Variants in CCDC30 observed in about 807,000 individuals in gnomAD.
CCDC30 encodes the protein coiled-coil domain-containing protein 30.
In CCDC30, 70 loss-of-function variants were observed where a neutral mutation model predicts 100.2. That is an observed-to-expected ratio of 0.70 (90% confidence interval 0.58 to 0.85). CCDC30 has a LOEUF of 0.85. Ranked by LOEUF, CCDC30 falls within the 40% of genes least tolerant of loss-of-function variation. The pLI, the probability that CCDC30 is intolerant of heterozygous loss-of-function variation, is 0.00. For synonymous variants in CCDC30, 233 were observed against 269.5 expected (o/e 0.86, Z 1.33); for missense variants, 652 against 771.2 (o/e 0.85, Z 1.83).
intron 10 of CCDC30, among the ~76,000 whole-genome samples, chr1:42,597,820 A>C (rs1204012037): frequency 6.8e-6 from 1 of 146,018 alleles, no homozygotes; most frequent in Non-Finnish European, 1.5e-5. Context: ...AGTTGTGATC[A>C]TGCCACTGCA....
chr1:42,530,027 C>T (rs775282537), intron 6 of CCDC30, among the ~76,000 whole-genome samples: 5 of 152,236 alleles, frequency 3.3e-5, no homozygotes, highest in Non-Finnish European at 7.3e-5. Flanking sequence ...GACCAGTGCA[C>T]CTACAACATA....
rs4495753 is a variant in CCDC30, at chr1:42,635,670, G to T, written c.1278-1567G>T. On this transcript the variant is annotated intron_variant, in intron 11 of 16. Coordinates refer to ENST00000668663, the Ensembl canonical transcript of CCDC30. ...TAAAAATACAAAAAATTAGCCAGGC[G>T]TGGTGGTGGGTGCCTGTAGTCCCGC... 2.0e-5 allele frequency among the ~76,000 whole-genome samples: 3 copies of T among 151,756 alleles called. No individual in the cohort carries two copies. In the South Asian group the frequency reaches 6.2e-4, roughly 32 times the overall value.
chr1:42,592,386 G>A (rs1646203725), intron 10 of CCDC30: 1 of 152,132 alleles, frequency 6.6e-6, no homozygotes, highest in African/African-American at 2.4e-5. Flanking sequence ...AATAGTGAGT[G>A]TGCTCTTCAT....
intron 6 of CCDC30, among the ~76,000 whole-genome samples, chr1:42,506,481 G>T (rs868208474): frequency 6.6e-6 from 1 of 152,182 alleles, no homozygotes; most frequent in African/African-American, 2.4e-5. Context: ...TATCTTTGTG[G>T]TTTACAATAA....
At position 42,541,228 on chromosome 1, in the gene CCDC30, A is replaced by G. The variant is rs140523212; in HGVS notation, c.457-25068A>G. On this transcript the variant is annotated intron_variant, in intron 6 of 16. Coordinates refer to ENST00000668663, the Ensembl canonical transcript of CCDC30. ...AGCTATCTTCTCATTGTATCTTCAC[A>G]TGGCCAACAGCAAAGAGAGAGAGAG... Among the ~76,000 whole-genome samples the G allele has an allele frequency of 1.3e-4, 20 of 152,280 alleles. No homozygotes were observed. The East Asian group carries it at 3.5e-3, about 26-fold the overall frequency.
chr1:42,570,139 AAATT>A (rs1244720501), intron 7 of CCDC30, among the ~76,000 whole-genome samples: 4 of 152,138 alleles, frequency 2.6e-5, no homozygotes, highest in Non-Finnish European at 5.9e-5. Flanking sequence ...AAACTAAAAT[AAATT>A]AATTATTTAA....
intron 1 of CCDC30, among the ~76,000 whole-genome samples, chr1:42,471,002 A>G (rs868089876): frequency 7.2e-5 from 11 of 152,232 alleles, no homozygotes; most frequent in African/African-American, 2.7e-4. Context: ...GAAGAAGCAT[A>G]GAAGGTGTTA....
intron 14 of CCDC30, among the ~76,000 whole-genome samples, chr1:42,645,210 G>T (rs11807530): frequency 0.043 from 6,518 of 152,110 alleles, 183 homozygotes; most frequent in African/African-American, 0.069. Flanking sequence ...AATATTCAGT[G>T]TTTTAACATA....
intron 4 of CCDC30, among the ~76,000 whole-genome samples, chr1:42,490,485 ATAT>A (rs562839812): frequency 1.1e-3 from 165 of 151,158 alleles, no homozygotes; most frequent in African/African-American, 3.8e-3. Flanking sequence ...CTTTAAAATA[ATAT>A]TTAGGAATTA....
At chr1:42,476,040 A>T (rs1643877913) in intron 1 of CCDC30, among the ~76,000 whole-genome samples, 1 of 152,248 alleles carries the variant, frequency 6.6e-6, no homozygotes, top group African/African-American at 2.4e-5. Flanking sequence ...AATTGGACAG[A>T]CAATAGTAAG....
At chr1:42,486,594 G>A (rs2148461298) in intron 3 of CCDC30, among the ~76,000 whole-genome samples, 1 of 152,358 alleles carries the variant, frequency 6.6e-6, no homozygotes, top group Admixed American at 6.5e-5. Flanking sequence ...CACTGCTGGA[G>A]ACATATCCTT....
intron 6 of CCDC30, among the ~76,000 whole-genome samples, chr1:42,532,429 CTT>C (rs1029485412): frequency 7.5e-4 from 114 of 152,340 alleles, no homozygotes; most frequent in African/African-American, 2.5e-3. Flanking sequence ...TGGAGACAGA[CTT>C]ATCACTAAAT....
chr1:42,629,436 T>C (rs1646992283), intron 11 of CCDC30, among the ~76,000 whole-genome samples: 1 of 152,222 alleles, frequency 6.6e-6, no homozygotes, highest in Non-Finnish European at 1.5e-5. Context: ...TTCTTTTCTC[T>C]TGCTGCTTTT....
intron 2 of CCDC30, among the ~76,000 whole-genome samples, chr1:42,481,406 T>A (rs570564087): frequency 6.6e-6 from 1 of 151,952 alleles, no homozygotes; most frequent in Admixed American, 6.6e-5. Context: ...TGAAACCCTG[T>A]CTCTACTAAA....
At chr1:42,575,697 G>T (rs993689751) in intron 7 of CCDC30, among the ~76,000 whole-genome samples, 2 of 146,436 alleles carry the variant, frequency 1.4e-5, no homozygotes, top group African/African-American at 5.1e-5. Context: ...CTGCTTTCTT[G>T]GAATTTAAAG....
exon 17 of CCDC30, chr1:42,654,115 C>A: frequency 1.2e-6 from 1 of 867,940 alleles, no homozygotes; most frequent in Non-Finnish European, 1.8e-6. Flanking sequence ...GAAGAGTTAC[C>A]ACAGATCCCA....
At chr1:42,597,969 G>A (rs1044700408) in intron 10 of CCDC30, among the ~76,000 whole-genome samples, 1 of 151,672 alleles carries the variant, frequency 6.6e-6, no homozygotes, top group African/African-American at 2.4e-5. Flanking sequence ...ACCAGCCTGA[G>A]CAACATAGTG....
rs556430109 is a variant in CCDC30 at position 42,647,600 on chromosome 1, G to A, written c.1854+1283G>A. On this transcript the variant is annotated intron_variant, in intron 15 of 16. Coordinates refer to ENST00000668663, the Ensembl canonical transcript of CCDC30. ...CTAGTAGATCTAACTGACACTTATG[G>A]AACATACCCACTGTTGCAGAATACA... is the stretch of plus-strand genomic sequence containing the variant. Among the ~76,000 whole-genome samples, 4 of 152,220 alleles carry A rather than the reference G, an allele frequency of 2.6e-5. No individual in the cohort carries two copies. The East Asian group carries it at 7.7e-4, about 29-fold the overall frequency.
At chr1:42,586,314 C>T (rs758913266) in intron 9 of CCDC30, among the ~76,000 whole-genome samples, 15 of 151,714 alleles carry the variant, frequency 9.9e-5, no homozygotes, top group Non-Finnish European at 1.9e-4. Flanking sequence ...TTTGTTTGTT[C>T]GTTTGTTTAG....
Sources: gnomAD v4.1 joint callset for allele counts (sites outside exome capture counted in the v4.1 genomes callset) on GRCh38, gnomAD v4.1.1 for gene constraint, MANE v1.5 for transcripts, NCBI Gene and HGNC (gene_info 2026-07-23, HGNC 2026-07-21) for gene names.